The following MFSD11 variants were observed in gnomAD, a reference collection of about 807,000 sequenced individuals.
The protein encoded by MFSD11 is UNC93-like protein MFSD11.
In MFSD11, 36 loss-of-function variants were observed where a neutral mutation model predicts 53.5. That is an observed-to-expected ratio of 0.67 (90% CI 0.52 to 0.89). The LOEUF is 0.89. Among genes scored for constraint, MFSD11 ranks in the 40% least tolerant of loss-of-function variants. MFSD11 has a pLI of 0.00. For synonymous variants in MFSD11, 186 were observed against 184.9 expected, an observed-to-expected ratio of 1.01 and a Z score of -0.05; for missense variants, 530 against 543.9, an observed-to-expected ratio of 0.97 and a Z score of 0.25.
At chr17:76,737,265 C>G (rs769436178), upstream of MFSD11, 23 of 1,414,072 alleles carry the variant, frequency 1.6e-5, no homozygotes, top group East Asian at 2.8e-4. Context: ...CGTGGGGACA[C>G]TGGGAAAGGC....
At chr17:76,785,048 C>T (rs937879449), downstream of MFSD11, among the ~76,000 whole-genome samples, 3 of 152,194 alleles carry the variant, frequency 2.0e-5, no homozygotes, top group Non-Finnish European at 2.9e-5. Context: ...GCATTATTCA[C>T]AATTACCTAA....
intron 10 of MFSD11, among the ~76,000 whole-genome samples, chr17:76,771,000 TTCGAGA>T (rs1433030015): frequency 6.6e-6 from 1 of 152,058 alleles, no homozygotes; most frequent in African/African-American, 2.4e-5. Context: ...AGCCCAGGAG[TTCGAGA>T]TCAGCCTGGA....
At chr17:76,770,506 G>T (rs1310718399) in intron 10 of MFSD11, among the ~76,000 whole-genome samples, 4 of 152,156 alleles carry the variant, frequency 2.6e-5, no homozygotes, top group African/African-American at 9.7e-5. Context: ...CACCAACTGG[G>T]TGTCCAACAG....
chr17:76,770,606 C>T (rs187645755), intron 10 of MFSD11, among the ~76,000 whole-genome samples: 1 of 152,256 alleles, frequency 6.6e-6, no homozygotes, highest in African/African-American at 2.4e-5. Context: ...CAGTCTGGGT[C>T]CATAGGCCTC....
chr17:76,737,247 G>A (rs550284132), upstream of MFSD11: 21 of 1,450,640 alleles, frequency 1.4e-5, no homozygotes, highest in African/African-American at 3.0e-4. Flanking sequence ...TCAGGCAGTT[G>A]CCTTCCGCGT....
intron 2 of MFSD11, among the ~76,000 whole-genome samples, chr17:76,740,188 A>G (rs976024370): frequency 2.6e-5 from 4 of 151,962 alleles, no homozygotes; most frequent in African/African-American, 9.7e-5. Flanking sequence ...AAAAAAAAAA[A>G]AAAAAGAACA....
At chr17:76,737,619 G>A (rs2077599561), upstream of MFSD11, 1 of 212,050 alleles carries the variant, frequency 4.7e-6, no homozygotes, top group East Asian at 8.0e-5. Flanking sequence ...AGGAGGAAGA[G>A]GAGGTGCTCC....
chr17:76,801,190 G>T, the MFSD11 span, among the ~76,000 whole-genome samples: 1 of 151,454 alleles, frequency 6.6e-6, no homozygotes, highest in South Asian at 2.1e-4. Flanking sequence ...CCCGGAGTTC[G>T]TGACCAGCCT....
chr17:76,783,973 GAAAA>G (rs2082232839), downstream of MFSD11, among the ~76,000 whole-genome samples: 1 of 148,410 alleles, frequency 6.7e-6, no homozygotes, highest in Non-Finnish European at 1.5e-5. Context: ...AAAAAAAAAA[GAAAA>G]AAGGAAGGTG....
At chr17:76,755,812 A>ATATATATATATT (rs1555669398) in intron 8 of MFSD11, among the ~76,000 whole-genome samples, 6 of 19,514 alleles carry the variant, frequency 3.1e-4, no homozygotes, top group African/African-American at 3.3e-4. Context: ...ATATATATAT[A>ATATATATATATT]TTTTTTTTTT....
Position 76,775,837 on chromosome 17 carries a change from C to G in MFSD11, c.1050-569C>G, listed in dbSNP as rs116269437. On this transcript the variant is annotated intron_variant, in intron 11 of 12. Transcript: ENST00000685175. The stretch of plus-strand genomic sequence containing the variant: ...AAATCTGAAAAGAAAATTTGAAACA[C>G]TTCTGGTCTTGATAAGGGATACTCA... Among the ~76,000 whole-genome samples, 804 of 152,290 alleles carry G rather than the reference C, an allele frequency of 5.3e-3. 5 individuals carry two copies. The highest frequency in any genetic ancestry group is 0.018 in the African/African-American group (749 of 41,546).
chr17:76,736,857 G>A (rs1303216721), upstream of MFSD11: 1 of 1,607,978 alleles, frequency 6.2e-7, no homozygotes, highest in Non-Finnish European at 8.5e-7. Context: ...GGTCCCCGGC[G>A]GCTGTGGTGT....
downstream of MFSD11, among the ~76,000 whole-genome samples, chr17:76,781,988 A>ATTTTT (rs57536397): frequency 7.3e-6 from 1 of 137,406 alleles, no homozygotes; most frequent in African/African-American, 2.8e-5. Context: ...TGCCTGGATA[A>ATTTTT]TTTTTTTTTT....
intron 7 of MFSD11, among the ~76,000 whole-genome samples, chr17:76,753,687 C>A (rs78036449): frequency 3.8e-3 from 480 of 127,006 alleles, no homozygotes; most frequent in East Asian, 5.4e-3. Flanking sequence ...GACCCTGTCT[C>A]AAAAAAAAAA....
At chr17:76,801,070 G>A in the MFSD11 span, among the ~76,000 whole-genome samples, 2 of 149,362 alleles carry the variant, frequency 1.3e-5, no homozygotes, top group Admixed American at 6.6e-5. Context: ...AGGGAGACTC[G>A]GTCTGAAAAA....
At chr17:76,793,874 G>A in the MFSD11 span, among the ~76,000 whole-genome samples, 2 of 151,368 alleles carry the variant, frequency 1.3e-5, no homozygotes, top group African/African-American at 2.5e-5. Context: ...GTCAGGGTCA[G>A]AGTCAAAGTG....
chr17:76,751,692 C>T (rs970272216), intron 7 of MFSD11, among the ~76,000 whole-genome samples: 46 of 143,458 alleles, frequency 3.2e-4, no homozygotes, highest in African/African-American at 1.1e-3. Flanking sequence ...GAGCAAGACT[C>T]GGTCTCAAAA....
At position 76,776,816 on chromosome 17, in the gene MFSD11, T is replaced by C. The variant is rs1401412116; in HGVS notation, c.1185+275T>C. On this transcript the variant is annotated intron_variant, in intron 12 of 12. Transcript: ENST00000685175. The surrounding 1 kb of genome is among the most constrained non-coding windows in gnomAD (Gnocchi z 4.2). Reference sequence around the variant, plus strand: ...CCACCATGCCTGGCTAATTTTTGTATTTTTTTTTTCTTTTTAGCAGAGGCA... The same window carrying C: ...CCACCATGCCTGGCTAATTTTTGTACTTTTTTTTTCTTTTTAGCAGAGGCA... Among the ~76,000 whole-genome samples, 1 of 130,034 alleles carries C rather than the reference T, an allele frequency of 7.7e-6. No individual in the cohort carries two copies. Among genetic ancestry groups the C allele is most frequent in the African/African-American group, 4.3e-5 (1 of 23,180 alleles). 85.3% of individuals were successfully genotyped at this position (130,034 alleles called of 152,430 possible).
the MFSD11 span, among the ~76,000 whole-genome samples, chr17:76,789,314 C>G: frequency 6.7e-6 from 1 of 149,428 alleles, no homozygotes; most frequent in Non-Finnish European, 1.5e-5. Flanking sequence ...CTTAATTTTC[C>G]CCTTGGGGCA....
Sources: gnomAD v4.1 joint callset for allele counts (sites outside exome capture counted in the v4.1 genomes callset) on GRCh38, gnomAD v4.1.1 for gene constraint, Gnocchi (gnomAD v3.1) non-coding constraint, MANE v1.5 for transcripts, NCBI Gene and HGNC (gene_info 2026-07-23, HGNC 2026-07-21) for gene names.